The following NXPH2 variants were observed in gnomAD, a reference collection of about 807,000 sequenced individuals.
NXPH2 encodes the protein neurexophilin 2.
Under a neutral mutation model 19.8 loss-of-function variants are expected in NXPH2, and 5 were observed. The observed-to-expected ratio is 0.25, with a 90% CI of 0.13 to 0.53. The LOEUF (loss-of-function observed/expected upper bound fraction) is 0.53, where lower values mean the gene tolerates loss of function less well. Among genes scored for constraint, NXPH2 ranks in the 20% least tolerant of loss-of-function variants. The pLI, the probability that NXPH2 is intolerant of heterozygous loss-of-function variation, is 0.96. For missense variants in NXPH2, 289 were observed against 322.8 expected, an observed-to-expected ratio of 0.90 and a Z score of 0.80; for synonymous variants, 154 against 127.4, an observed-to-expected ratio of 1.21 and a Z score of -1.41.
intron 1 of NXPH2, among the ~76,000 whole-genome samples, chr2:138,712,503 T>C (rs909483667): frequency 6.6e-6 from 1 of 152,172 alleles, no homozygotes; most frequent in Non-Finnish European, 1.5e-5. Flanking sequence ...CATCACAACA[T>C]TGCCCCCCAC....
intron 1 of NXPH2, among the ~76,000 whole-genome samples, chr2:138,763,363 A>G (rs1051514089): frequency 4.6e-5 from 7 of 152,162 alleles, no homozygotes; most frequent in Non-Finnish European, 1.0e-4. Flanking sequence ...TAGAAATAAT[A>G]TTTTTCCTAT....
intron 1 of NXPH2, among the ~76,000 whole-genome samples, chr2:138,694,208 C>A (rs916978922): frequency 6.6e-6 from 1 of 152,174 alleles, no homozygotes; most frequent in Non-Finnish European, 1.5e-5. Flanking sequence ...AGCACTACAC[C>A]GCTTTTGGTT....
At chr2:138,778,502 C>G (rs1682300472) in intron 1 of NXPH2, among the ~76,000 whole-genome samples, 1 of 152,054 alleles carries the variant, frequency 6.6e-6, no homozygotes, top group African/African-American at 2.4e-5. Context: ...GGGAGAAGAA[C>G]TTTTCCCCGA....
intron 1 of NXPH2, among the ~76,000 whole-genome samples, chr2:138,694,773 A>G (rs1275045845): frequency 2.6e-5 from 4 of 152,224 alleles, no homozygotes; most frequent in South Asian, 4.1e-4. Context: ...CAGAATATCA[A>G]TAAGTTACAC....
intron 1 of NXPH2, among the ~76,000 whole-genome samples, chr2:138,723,934 C>CT (rs66507808): frequency 0.013 from 1,852 of 144,498 alleles, 42 homozygotes; most frequent in African/African-American, 0.043. Context: ...GTCATAATTT[C>CT]TTTTTTTTTT....
intron 1 of NXPH2, among the ~76,000 whole-genome samples, chr2:138,769,500 T>C (rs1311506228): frequency 6.6e-6 from 1 of 152,132 alleles, no homozygotes; most frequent in Non-Finnish European, 1.5e-5. Context: ...AAAGAGTCCA[T>C]AAAATCAGAA....
intron 1 of NXPH2, among the ~76,000 whole-genome samples, chr2:138,674,346 G>A (rs928901164): frequency 6.6e-6 from 1 of 151,856 alleles, no homozygotes; most frequent in African/African-American, 2.4e-5. Flanking sequence ...TGGAGACAGG[G>A]TCTCACCATG....
intron 1 of NXPH2, among the ~76,000 whole-genome samples, chr2:138,694,417 G>A (rs1680796847): frequency 6.6e-6 from 1 of 152,132 alleles, no homozygotes; most frequent in African/African-American, 2.4e-5. Context: ...CTTTATAAGA[G>A]GAGAGAAGCA....
At chr2:138,749,928 T>C (rs1681801455) in intron 1 of NXPH2, among the ~76,000 whole-genome samples, 1 of 152,154 alleles carries the variant, frequency 6.6e-6, no homozygotes, top group South Asian at 2.1e-4. Flanking sequence ...TCATTTCAAA[T>C]GATGCTTAGA....
chr2:138,727,262 T>C lies in NXPH2; in HGVS notation c.51+52929A>G, dbSNP rs531784851. Among the ~76,000 whole-genome samples, 29 of 152,338 alleles carry C rather than the reference T, an allele frequency of 1.9e-4. No individual in the cohort carries two copies. In the South Asian group the frequency reaches 4.1e-3, roughly 22 times the overall value. On this transcript the variant is annotated intron_variant, in intron 1 of 1. Transcript: ENST00000272641. ...CCATGCTCAGGCTTTTGTGTGCACA[T>C]AAGTTTTCAACTTATCTGGATAAAT...
intron 1 of NXPH2, among the ~76,000 whole-genome samples, chr2:138,754,759 C>T (rs914509567): frequency 6.6e-6 from 1 of 152,130 alleles, no homozygotes; most frequent in Non-Finnish European, 1.5e-5. Context: ...TTATAAGAAG[C>T]TGTCAAACTG....
chr2:138,741,482 T>C (rs541035174), intron 1 of NXPH2, among the ~76,000 whole-genome samples: 3 of 152,328 alleles, frequency 2.0e-5, no homozygotes, highest in African/African-American at 7.2e-5. Context: ...TCATATTTCT[T>C]ACTAATGAGT....
chr2:138,736,860 G>A (rs1014950499), intron 1 of NXPH2, among the ~76,000 whole-genome samples: 4 of 152,128 alleles, frequency 2.6e-5, no homozygotes, highest in Non-Finnish European at 4.4e-5. Context: ...TCTCAAGTTC[G>A]AAGTTCCACA....
intron 1 of NXPH2, among the ~76,000 whole-genome samples, chr2:138,731,285 T>C (rs932201538): frequency 6.6e-6 from 1 of 152,082 alleles, no homozygotes; most frequent in Non-Finnish European, 1.5e-5. Context: ...GTGTTCTTGT[T>C]AGAAAAAAAT....
At chr2:138,696,538 A>C (rs1002336227) in intron 1 of NXPH2, among the ~76,000 whole-genome samples, 2 of 152,184 alleles carry the variant, frequency 1.3e-5, no homozygotes, top group Admixed American at 1.3e-4. Flanking sequence ...GAGACTTAAA[A>C]CCACATGAGC....
At chr2:138,736,110 A>G (rs1681534594) in intron 1 of NXPH2, among the ~76,000 whole-genome samples, 1 of 152,184 alleles carries the variant, frequency 6.6e-6, no homozygotes, top group Non-Finnish European at 1.5e-5. Flanking sequence ...GCACAGTGCA[A>G]GCTGCCAGTG....
At chr2:138,674,037 G>C (rs1289359607) in intron 1 of NXPH2, among the ~76,000 whole-genome samples, 1 of 151,814 alleles carries the variant, frequency 6.6e-6, no homozygotes, top group South Asian at 2.1e-4. Flanking sequence ...CAGGCTGGAG[G>C]CATAATCATA....
intron 1 of NXPH2, among the ~76,000 whole-genome samples, chr2:138,777,868 A>C (rs1276846815): frequency 1.3e-5 from 2 of 149,338 alleles, no homozygotes; most frequent in African/African-American, 4.9e-5. Flanking sequence ...TTATGTCAGC[A>C]AAGGGCAGAT....
At chr2:138,696,613 G>A (rs1254657874) in intron 1 of NXPH2, among the ~76,000 whole-genome samples, 2 of 152,156 alleles carry the variant, frequency 1.3e-5, no homozygotes, top group African/African-American at 2.4e-5. Context: ...TGGTGGTGAA[G>A]ACATAGATTA....
Sources: allele counts gnomAD v4.1 joint callset (sites outside exome capture counted in the v4.1 genomes callset), GRCh38; gene constraint gnomAD v4.1.1; transcripts MANE v1.5; gene names NCBI Gene and HGNC (gene_info 2026-07-23, HGNC 2026-07-21).